Variants in CUBN observed in about 807,000 individuals in gnomAD.
CUBN encodes 460 kDa receptor.
A neutral mutation model predicts 405.3 loss-of-function variants in CUBN; 282 were observed. The ratio of observed to expected loss-of-function variants is 0.70; its 90% CI spans 0.63 to 0.77. The LOEUF (loss-of-function observed/expected upper bound fraction) is 0.77. Ranked by LOEUF, CUBN falls within the 30% of genes least tolerant of loss-of-function variation. CUBN has a pLI of 0.00. For missense variants in CUBN, 4,514 were observed against 4,475.2 expected, an observed-to-expected ratio of 1.01 and a Z score of -0.25; for synonymous variants, 1,684 against 1,617.0, an observed-to-expected ratio of 1.04 and a Z score of -0.99.
intron 15 of CUBN, among the ~76,000 whole-genome samples, chr10:17,087,460 A>ATTTTTATTTTTTT (rs1564510318): frequency 1.0e-5 from 1 of 99,096 alleles, no homozygotes; most frequent in Admixed American, 1.2e-4. Context: ...AATCACTATT[A>ATTTTTATTTTTTT]TTTTTCTTTT....
chr10:16,980,339 G>A (rs1833229203), intron 31 of CUBN, among the ~76,000 whole-genome samples: 1 of 152,282 alleles, frequency 6.6e-6, no homozygotes, highest in Middle Eastern at 3.4e-3. Flanking sequence ...TCCCATTACT[G>A]GGTATATAAC....
chr10:17,027,441 T>A (rs1348282686), intron 27 of CUBN, among the ~76,000 whole-genome samples: 1 of 152,144 alleles, frequency 6.6e-6, no homozygotes, highest in African/African-American at 2.4e-5. Context: ...AAAATAAATA[T>A]ACAAGGAGCG....
rs10574636 is a variant in CUBN at position 17,052,759 on chromosome 10, CAAAAAAAAAAAAA to C, written c.3140-5169_3140-5157del. 6.4e-4 allele frequency among the ~76,000 whole-genome samples: 35 copies of C among 55,116 alleles called. 2 individuals are homozygous for C. Among genetic ancestry groups the C allele is most frequent in the South Asian group, 1.1e-3 (1 of 916 alleles). 36.2% of individuals were successfully genotyped at this position (55,116 alleles called of 152,430 possible). A position where few individuals can be genotyped will look rare whatever the true frequency, so the allele number is the denominator to read the frequency against. On this transcript the variant is annotated intron_variant, in intron 22 of 66. Transcript: ENST00000377833. ...TGGGCAACAGACTGAGACTCAGTCTCAAAAAAAAAAAAAAAAAAAAAAAAAAAAGAGAGAGAGA... is the reference window on the plus strand; with the variant it reads ...TGGGCAACAGACTGAGACTCAGTCTCAAAAAAAAAAAAAAAGAGAGAGAGA...
At chr10:16,884,752 C>T (rs769530693) in intron 56 of CUBN, among the ~76,000 whole-genome samples, 6 of 152,120 alleles carry the variant, frequency 3.9e-5, no homozygotes, top group Non-Finnish European at 7.4e-5. Context: ...GTTTAGTAGA[C>T]GCCATATAGG....
intron 34 of CUBN, among the ~76,000 whole-genome samples, chr10:16,949,045 G>A (rs773361362): frequency 3.9e-5 from 6 of 152,156 alleles, no homozygotes; most frequent in Non-Finnish European, 4.4e-5. Context: ...AGTGACTTAC[G>A]TGCTTGGTGC....
At chr10:16,983,962 G>T in intron 30 of CUBN, 143 bp downstream of exon 30, 1 of 842,498 alleles carries the variant, frequency 1.2e-6, no homozygotes, top group Non-Finnish European at 2.0e-6. Flanking sequence ...TTAGGGAAGG[G>T]TATATGTCAG....
intron 11 of CUBN, 48 bp from the exon 12 acceptor site, chr10:17,104,653 CTAAACTT>C (rs754572349): frequency 5.7e-5 from 79 of 1,396,738 alleles, no homozygotes; most frequent in Admixed American, 1.1e-4. Flanking sequence ...TGGATAGACA[CTAAACTT>C]TAATCAACCC....
intron 21 of CUBN, among the ~76,000 whole-genome samples, chr10:17,067,098 A>G (rs150858429): frequency 2.6e-4 from 39 of 152,298 alleles, no homozygotes; most frequent in South Asian, 2.1e-3. Flanking sequence ...ATAAAATTGA[A>G]AATGTCTGGT....
chr10:16,881,904 A>G (rs867777429), intron 56 of CUBN, among the ~76,000 whole-genome samples: 2 of 152,236 alleles, frequency 1.3e-5, no homozygotes. Context: ...CCATCACTGC[A>G]TTAGATCAAA....
At chr10:17,099,981 T>C in intron 14 of CUBN, 24 bp downstream of exon 14, 2 of 1,575,430 alleles carry the variant, frequency 1.3e-6, no homozygotes, top group South Asian at 1.1e-5. Context: ...TTTTGCTTGC[T>C]TTTTTCTCCA....
At chr10:16,846,193 T>A (rs1219844378) in intron 60 of CUBN, among the ~76,000 whole-genome samples, 1 of 152,220 alleles carries the variant, frequency 6.6e-6, no homozygotes, top group African/African-American at 2.4e-5. Flanking sequence ...ATGTTTGTTT[T>A]GAGTTTTTCC....
At chr10:16,926,121 G>A (rs1168837502) in intron 41 of CUBN, among the ~76,000 whole-genome samples, 2 of 152,188 alleles carry the variant, frequency 1.3e-5, no homozygotes, top group African/African-American at 2.4e-5. Flanking sequence ...AGAGGAGGGA[G>A]AAGGGTACTT....
At chr10:16,962,073 G>C (rs73596213) in intron 31 of CUBN, among the ~76,000 whole-genome samples, 17,270 of 152,148 alleles carry the variant, frequency 0.11, 1,450 homozygotes, top group African/African-American at 0.24. Flanking sequence ...AGTATAGTAG[G>C]GGAGGTGTTA....
chr10:16,890,592 G>A (rs1840977012), intron 54 of CUBN, 65 bp from the exon 55 acceptor site: 1 of 1,551,518 alleles, frequency 6.4e-7, no homozygotes, highest in Non-Finnish European at 8.9e-7. Flanking sequence ...AATGCACTTA[G>A]GTTTCAAAAT....
intron 28 of CUBN, among the ~76,000 whole-genome samples, chr10:17,008,240 T>TGTGC (rs1834081528): frequency 1.5e-5 from 1 of 68,502 alleles, no homozygotes; most frequent in Non-Finnish European, 3.0e-5. Context: ...CCGTGTGTGG[T>TGTGC]GTGTGTGTGT....
intron 30 of CUBN, among the ~76,000 whole-genome samples, chr10:16,983,123 G>A (rs1363097677): frequency 6.6e-6 from 1 of 152,058 alleles, no homozygotes; most frequent in African/African-American, 2.4e-5. Flanking sequence ...TTCCTTTGAT[G>A]TTATCAAATA....
intron 58 of CUBN, among the ~76,000 whole-genome samples, chr10:16,870,595 A>G (rs1840321314): frequency 6.6e-6 from 1 of 152,228 alleles, no homozygotes; most frequent in Non-Finnish European, 1.5e-5. Flanking sequence ...ACAAATGACT[A>G]CTTGCTTTGC....
At chr10:16,999,069 T>C (rs1289812506) in intron 28 of CUBN, among the ~76,000 whole-genome samples, 4 of 152,226 alleles carry the variant, frequency 2.6e-5, no homozygotes, top group Non-Finnish European at 5.9e-5. Flanking sequence ...AAGAATAAGT[T>C]ATTGCATGAA....
At chr10:16,878,768 C>T (rs750691574) in intron 56 of CUBN, among the ~76,000 whole-genome samples, 6 of 152,200 alleles carry the variant, frequency 3.9e-5, no homozygotes, top group Admixed American at 6.5e-5. Context: ...CTTTCCGCCT[C>T]TATGGATTTG....
Sources: gnomAD v4.1 joint callset for allele counts (sites outside exome capture counted in the v4.1 genomes callset) on GRCh38, gnomAD v4.1.1 for gene constraint, MANE v1.5 for transcripts, NCBI Gene and HGNC (gene_info 2026-07-23, HGNC 2026-07-21) for gene names.